Variants in IL1RAPL2 observed in about 807,000 individuals in gnomAD.
IL1RAPL2 encodes the protein X-linked interleukin-1 receptor accessory protein-like 2.
Under a neutral mutation model 44.1 loss-of-function variants are expected in IL1RAPL2, and 3 were observed. The ratio of observed to expected loss-of-function variants is 0.07; its 90% CI spans 0.03 to 0.18. The LOEUF (loss-of-function observed/expected upper bound fraction) is 0.18. IL1RAPL2 is among the 10% of genes least tolerant of loss of function. The pLI is 1.00. For synonymous variants in IL1RAPL2, 181 were observed against 178.8 expected (o/e 1.01, Z -0.10); for missense variants, 391 against 496.4 (o/e 0.79, Z 2.02).
intron 2 of IL1RAPL2, among the ~76,000 whole-genome samples, chrX:105,103,312 C>T (rs772681085): frequency 8.1e-5 from 9 of 111,604 alleles, no homozygotes; most frequent in Non-Finnish European, 1.7e-4. Context: ...GTCTCACATA[C>T]TTTCTATTTT....
rs144672925 is a variant in IL1RAPL2, at chrX:105,139,786, T to A, written c.83-55689T>A. Among the ~76,000 whole-genome samples the A allele has an allele frequency of 7.3e-3, 819 of 112,470 alleles. 9 individuals carry two copies. Among genetic ancestry groups the A allele is most frequent in the African/African-American group, 0.025 (782 of 30,997 alleles). ...GATTAGATGTTCAACATATGAATTT[T>A]TAAGGGACACATCCAGTCCATTAGA... is the stretch of plus-strand genomic sequence containing the variant. On this transcript the variant is annotated intron_variant, in intron 2 of 10. Coordinates refer to ENST00000372582, the MANE Select transcript of IL1RAPL2 (RefSeq NM_017416.2).
intron 3 of IL1RAPL2, among the ~76,000 whole-genome samples, chrX:105,200,820 G>A (rs1385379008): frequency 9.0e-6 from 1 of 111,054 alleles, no homozygotes; most frequent in Non-Finnish European, 1.9e-5. Context: ...GCTGAGGTAC[G>A]AGAATTGCTT....
At chrX:105,182,678 T>C (rs2033544779) in intron 2 of IL1RAPL2, among the ~76,000 whole-genome samples, 1 of 112,044 alleles carries the variant, frequency 8.9e-6, no homozygotes. Context: ...TTAATTGTTT[T>C]CTGGTTGTTT....
At chrX:104,738,912 C>G (rs1424977842) in intron 2 of IL1RAPL2, among the ~76,000 whole-genome samples, 1 of 112,219 alleles carries the variant, frequency 8.9e-6, no homozygotes, top group Non-Finnish European at 1.9e-5. Context: ...TGCATTCCAT[C>G]CTGGGTGACA....
intron 2 of IL1RAPL2, among the ~76,000 whole-genome samples, chrX:104,911,519 C>G (rs185888795): frequency 9.0e-6 from 1 of 111,616 alleles, no homozygotes; most frequent in East Asian, 2.8e-4. Flanking sequence ...TATCTCAAAT[C>G]TGTTCAATCT....
Position 104,658,933 on chromosome X carries a change from T to C in IL1RAPL2, c.20T>C (p.Leu7Ser). 1.7e-6 allele frequency: 2 copies of C among 1,206,225 alleles called. No homozygotes were observed. The highest frequency in any genetic ancestry group is 2.2e-6 in the Non-Finnish European group (2 of 892,224). MKPPFL[L>S]ALVVCSVVST... ...TGAAGGATGAAGCCACCATTTCTTT[T>C]GGCCCTTGTGGTCTGTTCTGTAGTC... is the stretch of plus-strand genomic sequence containing the variant. Residue 7 changes from leucine to serine, a missense_variant, in exon 2 of 11, where the codon TTG becomes TCG. Leu to Ser is a moderately radical substitution (Grantham distance 145). Around this residue, in one of 2 missense-constraint regions of IL1RAPL2, gnomAD observed 159 missense variants for 251.7 expected, o/e 0.63. Transcript: ENST00000372582.
rs560180649 is a variant in IL1RAPL2 at position 104,961,257 on chromosome X, G to T, written c.83-234218G>T. Among the ~76,000 whole-genome samples the T allele has an allele frequency of 1.4e-3, 158 of 111,725 alleles. 1 individual carries two copies. The highest frequency in any genetic ancestry group is 4.7e-3 in the African/African-American group (146 of 30,744). On this transcript the variant is annotated intron_variant, in intron 2 of 10. Coordinates refer to ENST00000372582, the MANE Select transcript of IL1RAPL2 (RefSeq NM_017416.2). ...CCTGTAGACTCAGAAGAAAGAAGCA[G>T]CCAGAGGTCAAACATTGCTGCCTTG...
At chrX:104,633,392 A>T (rs935178105) in intron 1 of IL1RAPL2, among the ~76,000 whole-genome samples, 2 of 111,302 alleles carry the variant, frequency 1.8e-5, no homozygotes, top group Non-Finnish European at 3.8e-5. Flanking sequence ...TTTTCTATTG[A>T]TTGGAATAGT....
intron 5 of IL1RAPL2, among the ~76,000 whole-genome samples, chrX:105,364,653 A>G (rs1042203259): frequency 9.0e-6 from 1 of 111,066 alleles, no homozygotes; most frequent in African/African-American, 3.3e-5. Flanking sequence ...ATTTACTCCT[A>G]ATTACTTTTT....
intron 2 of IL1RAPL2, among the ~76,000 whole-genome samples, chrX:104,906,938 C>G (rs1181740262): frequency 3.6e-5 from 4 of 111,405 alleles, no homozygotes; most frequent in African/African-American, 1.3e-4. Context: ...GTCCTGGACT[C>G]TTTTTGGTTG....
At chrX:104,732,939 G>T in intron 2 of IL1RAPL2, among the ~76,000 whole-genome samples, 1 of 111,238 alleles carries the variant, frequency 9.0e-6, no homozygotes, top group South Asian at 3.8e-4. Context: ...ATGCTGATCT[G>T]AATTTATACC....
At chrX:105,013,003 A>G (rs905931397) in intron 2 of IL1RAPL2, among the ~76,000 whole-genome samples, 2 of 110,878 alleles carry the variant, frequency 1.8e-5, no homozygotes, top group Non-Finnish European at 3.8e-5. Context: ...TCTTCATCCA[A>G]ATATCCATTT....
intron 7 of IL1RAPL2, among the ~76,000 whole-genome samples, chrX:105,724,757 C>T (rs1176697025): frequency 2.7e-5 from 3 of 112,151 alleles, no homozygotes; most frequent in African/African-American, 9.7e-5. Context: ...CCAAGCTCTA[C>T]CATGTTTATT....
intron 2 of IL1RAPL2, among the ~76,000 whole-genome samples, chrX:104,964,798 T>C (rs917772223): frequency 3.7e-5 from 4 of 108,140 alleles, no homozygotes; most frequent in Non-Finnish European, 7.7e-5. Context: ...TATAAAAAAG[T>C]TTTTTTTTCT....
Position 105,384,037 on chromosome X carries a change from T to A in IL1RAPL2, c.698-100276T>A, listed in dbSNP as rs776442003. Among the ~76,000 whole-genome samples the A allele has an allele frequency of 1.8e-4, 20 of 111,267 alleles. No individual in the cohort carries two copies. In the South Asian group the frequency reaches 7.4e-3, roughly 41 times the overall value. On this transcript the variant is annotated intron_variant, in intron 5 of 10. Coordinates refer to ENST00000372582, the MANE Select transcript of IL1RAPL2 (RefSeq NM_017416.2). The stretch of plus-strand genomic sequence containing the variant: ...TTCCTATTCAGTTGAATAGTTTACA[T>A]TTTTTTTCCATTTTGTAGGTTGTCT...
intron 2 of IL1RAPL2, among the ~76,000 whole-genome samples, chrX:104,749,300 A>G (rs1468435046): frequency 9.0e-6 from 1 of 110,955 alleles, no homozygotes; most frequent in Non-Finnish European, 1.9e-5. Flanking sequence ...CTCTTCCTCA[A>G]CCTGACTCTG....
chrX:105,218,868 C>T, intron 3 of IL1RAPL2: 2 of 798,086 alleles, frequency 2.5e-6, no homozygotes, highest in South Asian at 4.8e-5. Flanking sequence ...GCCTTCTTCC[C>T]CTACCACCCC....
At chrX:105,642,859 C>T (rs774115084) in intron 6 of IL1RAPL2, among the ~76,000 whole-genome samples, 6 of 112,769 alleles carry the variant, frequency 5.3e-5, no homozygotes, top group African/African-American at 1.9e-4. Context: ...GACACCTAAG[C>T]CAGTTTTCTT....
intron 2 of IL1RAPL2, among the ~76,000 whole-genome samples, chrX:105,033,637 C>G (rs1011500747): frequency 9.0e-6 from 1 of 111,695 alleles, no homozygotes; most frequent in Non-Finnish European, 1.9e-5. Flanking sequence ...CCCAATCTTT[C>G]TCTCTGGCTG....
Sources: allele counts gnomAD v4.1 joint callset (sites outside exome capture counted in the v4.1 genomes callset), GRCh38; gene constraint gnomAD v4.1.1; regional missense constraint gnomAD v4.1.1; transcripts MANE v1.5; gene names NCBI Gene and HGNC (gene_info 2026-07-23, HGNC 2026-07-21).